Variants in SORCS3 observed in about 807,000 individuals in gnomAD.
SORCS3 encodes sortilin related VPS10 domain containing receptor 3.
SORCS3 carries 57 observed loss-of-function variants against 146.3 expected under a neutral mutation model. The ratio of observed to expected loss-of-function variants is 0.39; its 90% CI spans 0.31 to 0.49. The LOEUF (loss-of-function observed/expected upper bound fraction) is 0.49, where lower values mean the gene tolerates loss of function less well. Among genes scored for constraint, SORCS3 ranks in the 20% least tolerant of loss-of-function variants. The pLI, the probability that SORCS3 is intolerant of heterozygous loss-of-function variation, is 0.92. For synonymous variants in SORCS3, 653 were observed against 618.5 expected (o/e 1.06, Z -0.83); for missense variants, 1,341 against 1,575.5 (o/e 0.85, Z 2.52).
chr10:104,659,344 A>G (rs896081795), intron 1 of SORCS3, among the ~76,000 whole-genome samples: 9 of 152,210 alleles, frequency 5.9e-5, no homozygotes, highest in South Asian at 2.1e-4. Context: ...GCGAGATTGT[A>G]TAGTGCCCAA....
chr10:104,877,022 T>A (rs2932558), intron 2 of SORCS3, among the ~76,000 whole-genome samples: 107,866 of 151,704 alleles, frequency 0.71, 38,753 homozygotes, highest in East Asian at 0.88. Context: ...TATTTATTTT[T>A]TCCTTTTTTT....
chr10:104,900,746 T>C (rs932048232), intron 2 of SORCS3, among the ~76,000 whole-genome samples: 38 of 151,696 alleles, frequency 2.5e-4, no homozygotes, highest in African/African-American at 7.7e-4. Flanking sequence ...AAAAATTAAT[T>C]ACCCAGCTGT....
intron 1 of SORCS3, among the ~76,000 whole-genome samples, chr10:104,760,052 G>T (rs948361352): frequency 2.0e-5 from 3 of 152,246 alleles, no homozygotes; most frequent in African/African-American, 7.2e-5. Context: ...AGTCGGTCAT[G>T]CAAAGATCTG....
chr10:104,924,051 C>T (rs2019114322), intron 3 of SORCS3, among the ~76,000 whole-genome samples: 1 of 152,194 alleles, frequency 6.6e-6, no homozygotes, highest in Non-Finnish European at 1.5e-5. Context: ...ATATTTGGTA[C>T]TGAGATGTTA....
At chr10:104,966,642 A>G (rs2054827872) in intron 3 of SORCS3, among the ~76,000 whole-genome samples, 1 of 152,188 alleles carries the variant, frequency 6.6e-6, no homozygotes, top group Non-Finnish European at 1.5e-5. Flanking sequence ...ATTTTAATAG[A>G]CTGCACAAAG....
rs35462776 is a variant in SORCS3, at chr10:104,889,282, C to CT, written c.696-26535dup. ...TTATATTTGTGGTAGATTTCCTGTG[C>CT]TTTTTTTTTTTTTTTTAAATCCGAT... On this transcript the variant is annotated intron_variant, in intron 2 of 26. Transcript: ENST00000369701. 5.4e-3 allele frequency among the ~76,000 whole-genome samples: 659 copies of CT among 122,704 alleles called. 2 individuals are homozygous for CT. Among genetic ancestry groups the CT allele is most frequent in the Admixed American group, 9.2e-3 (111 of 12,008 alleles). 80.5% of individuals were successfully genotyped at this position (122,704 alleles called of 152,430 possible).
At chr10:105,109,695 CT>C (rs2055846620) in intron 7 of SORCS3, among the ~76,000 whole-genome samples, 1 of 151,848 alleles carries the variant, frequency 6.6e-6, no homozygotes, top group African/African-American at 2.4e-5. Context: ...ATTAAGGCAT[CT>C]TGTTGTTGTT....
At chr10:104,878,848 GA>G (rs1258092292) in intron 2 of SORCS3, among the ~76,000 whole-genome samples, 5 of 152,276 alleles carry the variant, frequency 3.3e-5, no homozygotes, top group Middle Eastern at 3.4e-3. Flanking sequence ...GATGTTCTAG[GA>G]AACATAGGCA....
intron 8 of SORCS3, among the ~76,000 whole-genome samples, chr10:105,145,224 GT>G (rs2056122662): frequency 6.6e-6 from 1 of 152,126 alleles, no homozygotes. Context: ...TAGCTTCTTG[GT>G]TAAGATTAGG....
At chr10:104,709,513 TA>T (rs1335983304) in intron 1 of SORCS3, among the ~76,000 whole-genome samples, 1 of 152,264 alleles carries the variant, frequency 6.6e-6, no homozygotes, top group African/African-American at 2.4e-5. Flanking sequence ...CATGTAATAC[TA>T]AAAGTACATT....
At position 105,177,768 on chromosome 10, in the gene SORCS3, T is replaced by C. The variant is rs572977164; in HGVS notation, c.1902-298T>C. Reference sequence around the variant, plus strand: ...GCTGTAAATTGAACCTCAGGTTCCATTCTGAGTACTTGAAACGTGACATTC... The same window carrying C: ...GCTGTAAATTGAACCTCAGGTTCCACTCTGAGTACTTGAAACGTGACATTC... On this transcript the variant is annotated intron_variant, in intron 13 of 26. Coordinates refer to ENST00000369701, the MANE Select transcript of SORCS3 (RefSeq NM_014978.3). Among the ~76,000 whole-genome samples, 8 of 152,280 alleles carry C rather than the reference T, an allele frequency of 5.3e-5. No homozygotes were observed. In the South Asian group the frequency reaches 1.7e-3, roughly 32 times the overall value.
intron 20 of SORCS3, among the ~76,000 whole-genome samples, chr10:105,242,635 C>T (rs186508229): frequency 0.058 from 4,106 of 70,996 alleles, 177 homozygotes; most frequent in Middle Eastern, 0.14. Context: ...TATTTATATA[C>T]ATTTATATAT....
intron 1 of SORCS3, among the ~76,000 whole-genome samples, chr10:104,678,190 A>C (rs1319553591): frequency 7.6e-6 from 1 of 132,060 alleles, no homozygotes; most frequent in Non-Finnish European, 1.7e-5. Flanking sequence ...CATGGAAGAC[A>C]TCTTTAGGCT....
At chr10:104,837,135 C>T (rs768734317) in intron 1 of SORCS3, among the ~76,000 whole-genome samples, 1 of 152,088 alleles carries the variant, frequency 6.6e-6, no homozygotes, top group African/African-American at 2.4e-5. Flanking sequence ...TGTATAGTAC[C>T]TGCCATGTGT....
chr10:105,103,185 A>C (rs2055797978), intron 6 of SORCS3, among the ~76,000 whole-genome samples: 1 of 152,088 alleles, frequency 6.6e-6, no homozygotes, highest in African/African-American at 2.4e-5. Context: ...AAATAGGCGA[A>C]TGTTTGCATT....
In SORCS3 at chr10:104,641,606, G is replaced by C; in HGVS notation, c.279G>C (p.Gln93His). The C allele has an allele frequency of 6.6e-7, 1 of 1,518,194 alleles. No individual in the cohort carries two copies. The highest frequency in any genetic ancestry group is 1.2e-5 in the South Asian group (1 of 81,986). The allele number at this position is 1,518,194 out of a possible 1,614,324, so 94.0% of individuals were successfully genotyped here. ...CCGGACCAGAGCTGCTGCCCCAGCA[G>C]GGCGGCGGCAGAGGCGGTGAGATGC... is the stretch of plus-strand genomic sequence containing the variant. ...RRAGPELLPQ[Q>H]GGGRGGEMQV... Residue 93 changes from glutamine (Q) to histidine (H), a missense_variant, in exon 1 of 27, where the codon CAG (glutamine) becomes CAC (histidine). Gln to His is a conservative substitution (Grantham distance 24, BLOSUM62 0). Coordinates refer to ENST00000369701, the MANE Select transcript of SORCS3 (RefSeq NM_014978.3). This position sits in a 1 kb window ranked among gnomAD's most constrained non-coding sequence, Gnocchi z 6.4.
chr10:104,993,942 A>G (rs1243693169), intron 4 of SORCS3, among the ~76,000 whole-genome samples: 2 of 151,412 alleles, frequency 1.3e-5, no homozygotes, highest in African/African-American at 4.9e-5. Context: ...ACAAATATCC[A>G]TTTTTAAATC....
At chr10:104,723,672 G>A (rs375032026) in intron 1 of SORCS3, among the ~76,000 whole-genome samples, 1 of 152,174 alleles carries the variant, frequency 6.6e-6, no homozygotes, top group Non-Finnish European at 1.5e-5. Context: ...CCTGTATTGG[G>A]TGCATATATA....
intron 2 of SORCS3, among the ~76,000 whole-genome samples, chr10:104,899,632 C>T (rs2018831496): frequency 6.6e-6 from 1 of 152,184 alleles, no homozygotes. Context: ...CTGTTGCTTC[C>T]ACAAAGTAGG....
Sources: allele counts gnomAD v4.1 joint callset (sites outside exome capture counted in the v4.1 genomes callset), GRCh38; gene constraint gnomAD v4.1.1; non-coding constraint Gnocchi (gnomAD v3.1); transcripts MANE v1.5; gene names NCBI Gene and HGNC (gene_info 2026-07-23, HGNC 2026-07-21).